ERC2: variants seen among roughly 807,000 people sequenced by gnomAD.
The protein encoded by ERC2 is ERC protein 2.
Under a neutral mutation model 114.8 loss-of-function variants are expected in ERC2, and 42 were observed. The ratio of observed to expected loss-of-function variants is 0.37; its 90% CI spans 0.29 to 0.47. The LOEUF (loss-of-function observed/expected upper bound fraction) is 0.47. Ranked by LOEUF, ERC2 falls within the 20% of genes least tolerant of loss-of-function variation. The pLI is 0.99. For synonymous variants in ERC2, 454 were observed against 425.5 expected (o/e 1.07, Z -0.82); for missense variants, 939 against 1,150.7 (o/e 0.82, Z 2.66).
chr3:55,799,435 CCTTATATATATATGCATATATATATATAT>C (rs2070825604), intron 14 of ERC2, among the ~76,000 whole-genome samples: 7 of 71,314 alleles, frequency 9.8e-5, no homozygotes, highest in African/African-American at 5.7e-4. Context: ...TATATATATG[CCTTATATATATATGCATATATATATATAT>C]ATATATATAT....
intron 14 of ERC2, among the ~76,000 whole-genome samples, chr3:55,788,987 C>T (rs1181048649): frequency 6.6e-6 from 1 of 152,172 alleles, no homozygotes. Flanking sequence ...AGTTCTCTAA[C>T]ACCACAGACT....
At chr3:55,997,192 T>C (rs190486043) in intron 10 of ERC2, among the ~76,000 whole-genome samples, 46 of 152,242 alleles carry the variant, frequency 3.0e-4, no homozygotes, top group African/African-American at 1.1e-3. Flanking sequence ...GACCATAAAA[T>C]AAAAGCAGAA....
chr3:56,036,601 G>T (rs750134820), intron 7 of ERC2, among the ~76,000 whole-genome samples: 1 of 152,158 alleles, frequency 6.6e-6, no homozygotes, highest in Non-Finnish European at 1.5e-5. Flanking sequence ...TGACTAGGCG[G>T]TTGGTGCAAC....
intron 17 of ERC2, among the ~76,000 whole-genome samples, chr3:55,559,585 C>T (rs2055863777): frequency 6.6e-6 from 1 of 152,200 alleles, no homozygotes. Context: ...TGGAAGTCCC[C>T]AATGGATGGG....
At chr3:55,574,530 G>C (rs901154872) in intron 17 of ERC2, among the ~76,000 whole-genome samples, 1 of 150,608 alleles carries the variant, frequency 6.6e-6, no homozygotes, top group South Asian at 2.1e-4. Context: ...GAGCTGGGAT[G>C]GGGGGAGATA....
chr3:55,651,181 A>C (rs1368683259), intron 17 of ERC2, among the ~76,000 whole-genome samples: 1 of 151,902 alleles, frequency 6.6e-6, no homozygotes, highest in Non-Finnish European at 1.5e-5. Context: ...AGGATGTTAT[A>C]TGCCAGTCTG....
At chr3:56,385,916 A>G (rs956163016) in intron 2 of ERC2, among the ~76,000 whole-genome samples, 3 of 152,176 alleles carry the variant, frequency 2.0e-5, no homozygotes, top group African/African-American at 4.8e-5. Flanking sequence ...ATTGCAGAGT[A>G]GAGTATGAGA....
chr3:56,268,381 A>G (rs2053459235), intron 3 of ERC2, among the ~76,000 whole-genome samples: 1 of 152,182 alleles, frequency 6.6e-6, no homozygotes, highest in Non-Finnish European at 1.5e-5. Flanking sequence ...ACGTATCCCC[A>G]TCGTTAAGCA....
intron 14 of ERC2, among the ~76,000 whole-genome samples, chr3:55,819,194 T>C (rs544226632): frequency 2.0e-5 from 3 of 152,356 alleles, no homozygotes; most frequent in Non-Finnish European, 4.4e-5. Flanking sequence ...ACTATTGTTC[T>C]CGATTAAAAA....
chr3:56,001,768 C>A (rs1449636835), intron 10 of ERC2, among the ~76,000 whole-genome samples: 1 of 152,290 alleles, frequency 6.6e-6, no homozygotes, highest in African/African-American at 2.4e-5. Flanking sequence ...CTCTCCCCAT[C>A]TGTCATGCAC....
chr3:56,459,452 C>G (rs2063211588), intron 1 of ERC2, among the ~76,000 whole-genome samples: 4 of 152,028 alleles, frequency 2.6e-5, no homozygotes, highest in Admixed American at 2.6e-4. Context: ...CATTCATGCC[C>G]TGAAATCACA....
chr3:55,623,812 G>A (rs2059410230), intron 17 of ERC2, among the ~76,000 whole-genome samples: 1 of 152,202 alleles, frequency 6.6e-6, no homozygotes, highest in African/African-American at 2.4e-5. Context: ...CCCCTGTCCA[G>A]GTGTGCTCTC....
At chr3:56,362,918 C>T in intron 2 of ERC2, among the ~76,000 whole-genome samples, 1 of 152,210 alleles carries the variant, frequency 6.6e-6, no homozygotes, top group Admixed American at 6.5e-5. Context: ...CAGCAATTGG[C>T]AGACCCATCA....
intron 17 of ERC2, among the ~76,000 whole-genome samples, chr3:55,579,387 GT>G (rs1347463707): frequency 6.6e-6 from 1 of 152,150 alleles, no homozygotes; most frequent in Non-Finnish European, 1.5e-5. Flanking sequence ...TGTATTCTGG[GT>G]TAGACAAGTT....
chr3:56,100,474 T>G (rs2078292142), intron 6 of ERC2, among the ~76,000 whole-genome samples: 1 of 152,218 alleles, frequency 6.6e-6, no homozygotes, highest in Non-Finnish European at 1.5e-5. Context: ...CTTACGTGAC[T>G]TCACTTTATA....
chr3:55,748,496 G>T (rs1190548701), intron 14 of ERC2, among the ~76,000 whole-genome samples: 1 of 152,168 alleles, frequency 6.6e-6, no homozygotes, highest in Non-Finnish European at 1.5e-5. Flanking sequence ...AGAACCCAGA[G>T]ATTGTCCACA....
chr3:55,798,462 G>T (rs2070695396), intron 14 of ERC2, among the ~76,000 whole-genome samples: 1 of 152,116 alleles, frequency 6.6e-6, no homozygotes. Flanking sequence ...GCCAGGCGTG[G>T]TGGCACGTGC....
chr3:56,218,152 A>C (rs2049623191), intron 3 of ERC2, among the ~76,000 whole-genome samples: 1 of 152,194 alleles, frequency 6.6e-6, no homozygotes, highest in Non-Finnish European at 1.5e-5. Context: ...ATCTAATTAA[A>C]CTAAAGAGCT....
intron 6 of ERC2, among the ~76,000 whole-genome samples, chr3:56,111,422 C>G (rs1006630958): frequency 6.6e-6 from 1 of 151,770 alleles, no homozygotes; most frequent in Non-Finnish European, 1.5e-5. Context: ...CTATCCCCCC[C>G]TCTCTCTCAC....
Sources: gnomAD v4.1 joint callset for allele counts (sites outside exome capture counted in the v4.1 genomes callset) on GRCh38, gnomAD v4.1.1 for gene constraint, MANE v1.5 for transcripts, NCBI Gene and HGNC (gene_info 2026-07-23, HGNC 2026-07-21) for gene names.